SLC7A6OS: variants seen among roughly 807,000 people sequenced by gnomAD.
SLC7A6OS encodes probable RNA polymerase II nuclear localization protein SLC7A6OS.
Under a neutral mutation model 34.3 loss-of-function variants are expected in SLC7A6OS, and 22 were observed. The observed-to-expected ratio is 0.64, with a 90% CI of 0.46 to 0.92. The LOEUF is 0.92. SLC7A6OS is among the 40% of genes least tolerant of loss of function. The probability of loss-of-function intolerance (pLI) is 0.00; values close to 1 mark genes in which losing one functional copy is unlikely to be tolerated. For synonymous variants in SLC7A6OS, 199 were observed against 165.0 expected, an observed-to-expected ratio of 1.21 and a Z score of -1.58; for missense variants, 434 against 407.7, an observed-to-expected ratio of 1.06 and a Z score of -0.56.
chr16:68,310,696 C>A, intron 1 of SLC7A6OS, 39 bp downstream of exon 1: 2 of 1,583,522 alleles, frequency 1.3e-6, no homozygotes, highest in Non-Finnish European at 1.7e-6. Context: ...CGGCTGCACC[C>A]GAAGATGCCC....
Position 68,301,123 on chromosome 16 carries a change from C to T in SLC7A6OS, c.*152G>A. The T allele has an allele frequency of 7.3e-7, 1 of 1,375,284 alleles. No homozygotes were observed. Among genetic ancestry groups the T allele is most frequent in the East Asian group, 2.6e-5 (1 of 38,136 alleles). 85.2% of individuals were successfully genotyped at this position (1,375,284 alleles called of 1,614,324 possible). A position where few individuals can be genotyped will look rare whatever the true frequency, so the allele number is the denominator to read the frequency against. On this transcript the variant is annotated 3_prime_UTR_variant, in exon 5 of 5. Transcript: ENST00000263997. ...CTCACTCCCCTAACATAAGTTTTCACTGTGGTGGGATGGTGCCGCCCGATA... is the reference window on the plus strand; with the variant it reads ...CTCACTCCCCTAACATAAGTTTTCATTGTGGTGGGATGGTGCCGCCCGATA...
intron 2 of SLC7A6OS, among the ~76,000 whole-genome samples, chr16:68,305,284 A>G (rs1385169041): frequency 2.0e-5 from 3 of 152,184 alleles, no homozygotes; most frequent in Non-Finnish European, 2.9e-5. Context: ...ACCATTGCCC[A>G]TCATTTGGCT....
intron 3 of SLC7A6OS, among the ~76,000 whole-genome samples, chr16:68,303,487 A>G (rs2043302561): frequency 6.7e-6 from 1 of 149,458 alleles, no homozygotes; most frequent in Admixed American, 6.7e-5. Context: ...GGAGGCTGAG[A>G]TAGGAGGATT....
rs1221421586 is a variant in SLC7A6OS at position 68,310,872 on chromosome 16, G to A, written c.55C>T (p.Pro19Ser). 6.2e-7 allele frequency: 1 copy of A among 1,608,988 alleles called. No homozygotes were observed. Among genetic ancestry groups the A allele is most frequent in the East Asian group, 2.2e-5 (1 of 44,736 alleles). ...LRVKRKRSAEPAEALVLACKR... is the reference protein window; with the variant it reads ...LRVKRKRSAESAEALVLACKR... ...CAAGCGAGCACAAGAGCCTCCGCCGGCTCCGCACTGCGCTTCCGCTTCACC... is the reference window on the plus strand; with the variant it reads ...CAAGCGAGCACAAGAGCCTCCGCCGACTCCGCACTGCGCTTCCGCTTCACC... The change falls in exon 1 of 5, where the codon CCG (proline) becomes TCG (serine). Residue 19 changes from proline (P) to serine (S), a missense_variant. By Grantham distance (74) the Pro-to-Ser change is moderately conservative. Transcript: ENST00000263997.
At chr16:68,310,663 G>C (rs374884743) in intron 1 of SLC7A6OS, 50 bp from the exon 2 acceptor site, 44 of 1,578,228 alleles carry the variant, frequency 2.8e-5, no homozygotes, top group African/African-American at 8.1e-5. Context: ...GTTCGCGAGC[G>C]GGTCAGGGAT....
At position 68,300,776 on chromosome 16, in the gene SLC7A6OS, C is replaced by T; in HGVS notation, c.*499G>A. On this transcript the variant is annotated 3_prime_UTR_variant, in exon 5 of 5. Coordinates refer to ENST00000263997, the MANE Select transcript of SLC7A6OS (RefSeq NM_032178.3). ...CTAAAATCTCCCACTGCTCAGACTACTTTCTGCCCTAATGGCCATTACTAT... is the reference window on the plus strand; with the variant it reads ...CTAAAATCTCCCACTGCTCAGACTATTTTCTGCCCTAATGGCCATTACTAT... The T allele has an allele frequency of 1.0e-6, 1 of 985,552 alleles. No homozygotes were observed. The allele number at this position is 985,552 out of a possible 1,614,324, so 61.1% of individuals were successfully genotyped here. A position where few individuals can be genotyped will look rare whatever the true frequency, so the allele number is the denominator to read the frequency against.
chr16:68,302,151 C>T, intron 4 of SLC7A6OS: 1 of 525,132 alleles, frequency 1.9e-6, no homozygotes, highest in Non-Finnish European at 3.4e-6. Context: ...AGAGCCACAG[C>T]AAAGTAATGA....
Position 68,307,381 on chromosome 16 carries a change from T to C in SLC7A6OS, c.471+2954A>G, listed in dbSNP as rs540418265. On this transcript the variant is annotated intron_variant, in intron 2 of 4. Coordinates refer to ENST00000263997, the MANE Select transcript of SLC7A6OS (RefSeq NM_032178.3). ...GGATAAATCTTGGAGGTGAGACTACTAGTTAAAAGGAACTGAAGTCCTTTA... is the reference window on the plus strand; with the variant it reads ...GGATAAATCTTGGAGGTGAGACTACCAGTTAAAAGGAACTGAAGTCCTTTA... Among the ~76,000 whole-genome samples, 3 of 152,354 alleles carry C rather than the reference T, an allele frequency of 2.0e-5. No homozygotes were observed. The East Asian group carries it at 5.8e-4, about 29-fold the overall frequency.
In SLC7A6OS at chr16:68,310,517, C is replaced by A; in HGVS notation, c.289G>T (p.Val97Phe). 2 of 1,582,184 alleles carry A rather than the reference C, an allele frequency of 1.3e-6. No individual in the cohort carries two copies. Among genetic ancestry groups the A allele is most frequent in the Non-Finnish European group, 1.7e-6 (2 of 1,165,044 alleles). The change falls in exon 2 of 5, where the codon GTC becomes TTC. Residue 97 changes from valine (V) to phenylalanine (F), a missense_variant. Physicochemically the swap from Val to Phe is conservative, Grantham distance 50 (BLOSUM62 -1). Transcript: ENST00000263997. Reference protein sequence around the residue: ...RRNLRASAREVRQEGRYRVLS... With the variant: ...RRNLRASAREFRQEGRYRVLS... ...ACCCGGTAGCGGCCCTCCTGCCGGACCTCCCGAGCCGAGGCGCGGAGATTA... is the reference window on the plus strand; with the variant it reads ...ACCCGGTAGCGGCCCTCCTGCCGGAACTCCCGAGCCGAGGCGCGGAGATTA...
chr16:68,307,674 G>A (rs1189823717), intron 2 of SLC7A6OS, among the ~76,000 whole-genome samples: 1 of 151,916 alleles, frequency 6.6e-6, no homozygotes, highest in African/African-American at 2.4e-5. Flanking sequence ...AATTGTGTAC[G>A]CTTTTAATCA....
intron 2 of SLC7A6OS, among the ~76,000 whole-genome samples, chr16:68,307,282 T>TA (rs753857049): frequency 3.3e-5 from 5 of 152,228 alleles, no homozygotes; most frequent in Non-Finnish European, 1.5e-5. Flanking sequence ...CATAATTACT[T>TA]AGTCAATCAA....
intron 4 of SLC7A6OS, 99 bp downstream of exon 4, chr16:68,302,282 T>G: frequency 4.2e-6 from 6 of 1,445,142 alleles, no homozygotes; most frequent in Non-Finnish European, 5.7e-6. Flanking sequence ...TGGCGCTCAA[T>G]GACAGAGAAG....
chr16:68,301,235 C>G lies in SLC7A6OS; in HGVS notation c.*40G>C, dbSNP rs761441585. ...CAGTTAACTCTGGACTCAGAGCCCT[C>G]AAGGGCATGTGGCAGAACCTCATGG... On this transcript the variant is annotated 3_prime_UTR_variant, in exon 5 of 5. Coordinates refer to ENST00000263997, the MANE Select transcript of SLC7A6OS (RefSeq NM_032178.3). 2.5e-6 allele frequency: 4 copies of G among 1,601,632 alleles called. No homozygotes were observed. In the Admixed American group the frequency reaches 6.8e-5, roughly 27 times the overall value.
At chr16:68,301,489 T>C (rs11350) in intron 4 of SLC7A6OS, 84 bp from the exon 5 acceptor site, 151,636 of 1,238,718 alleles carry the variant, frequency 0.12, 9,959 homozygotes, top group African/African-American at 0.18. Flanking sequence ...GAAAGGTCTG[T>C]TTTTGTTCCC....
At chr16:68,305,752 A>G (rs1212926998) in intron 2 of SLC7A6OS, among the ~76,000 whole-genome samples, 1 of 152,166 alleles carries the variant, frequency 6.6e-6, no homozygotes, top group Non-Finnish European at 1.5e-5. Flanking sequence ...ACTCAGTCAA[A>G]TTATGCAGCC....
chr16:68,308,615 G>A (rs1597024157), intron 2 of SLC7A6OS, among the ~76,000 whole-genome samples: 1 of 152,114 alleles, frequency 6.6e-6, no homozygotes. Flanking sequence ...CGACAAGGGC[G>A]AGACTCCATC....
At chr16:68,308,155 G>A (rs1219810837) in intron 2 of SLC7A6OS, among the ~76,000 whole-genome samples, 1 of 151,826 alleles carries the variant, frequency 6.6e-6, no homozygotes, top group Non-Finnish European at 1.5e-5. Flanking sequence ...ACCCGCCTCA[G>A]CCTCCCAAAG....
At chr16:68,301,464 C>T in intron 4 of SLC7A6OS, 59 bp from the exon 5 acceptor site, 11 of 1,496,366 alleles carry the variant, frequency 7.4e-6, no homozygotes, top group South Asian at 6.0e-5. Flanking sequence ...ACTGCAGGAG[C>T]CCCTTCTCTT....
At position 68,300,957 on chromosome 16, in the gene SLC7A6OS, C is replaced by T; in HGVS notation, c.*318G>A. 9.8e-7 allele frequency: 1 copy of T among 1,020,358 alleles called. No individual in the cohort carries two copies. The highest frequency in any genetic ancestry group is 1.2e-6 in the Non-Finnish European group (1 of 853,034). The allele number at this position is 1,020,358 out of a possible 1,614,324, so 63.2% of individuals were successfully genotyped here. On this transcript the variant is annotated 3_prime_UTR_variant, in exon 5 of 5. Coordinates refer to ENST00000263997, the MANE Select transcript of SLC7A6OS (RefSeq NM_032178.3). ...CTCCCCCTCCCTTGTGGTTTCAGCACAGAACCTGAATGCCAGGAAAAATTC... is the reference window on the plus strand; with the variant it reads ...CTCCCCCTCCCTTGTGGTTTCAGCATAGAACCTGAATGCCAGGAAAAATTC...
Sources: allele counts gnomAD v4.1 joint callset (sites outside exome capture counted in the v4.1 genomes callset), GRCh38; gene constraint gnomAD v4.1.1; transcripts MANE v1.5; gene names NCBI Gene and HGNC (gene_info 2026-07-23, HGNC 2026-07-21).